The following NOL4 variants were observed in gnomAD, a reference collection of about 807,000 sequenced individuals.
NOL4 encodes the protein cancer/testis antigen 125.
In NOL4, 17 loss-of-function variants were observed where a neutral mutation model predicts 75.9. The observed-to-expected ratio is 0.22, with a 90% CI of 0.15 to 0.34. The LOEUF (loss-of-function observed/expected upper bound fraction) is 0.34. Among genes scored for constraint, NOL4 ranks in the 10% least tolerant of loss-of-function variants. The pLI is 1.00. For synonymous variants in NOL4, 292 were observed against 289.9 expected (o/e 1.01, Z -0.07); for missense variants, 614 against 793.5 (o/e 0.77, Z 2.72).
At chr18:34,192,592 C>T (rs1172284575) in intron 1 of NOL4, among the ~76,000 whole-genome samples, 4 of 152,102 alleles carry the variant, frequency 2.6e-5, no homozygotes, top group African/African-American at 9.7e-5. Flanking sequence ...ATAAAGGTGC[C>T]AAGAACTCAT....
At chr18:34,058,861 A>T (rs2076941722) in intron 5 of NOL4, among the ~76,000 whole-genome samples, 1 of 152,044 alleles carries the variant, frequency 6.6e-6, no homozygotes, top group Non-Finnish European at 1.5e-5. Context: ...TACAATTTCT[A>T]GTTTTTTCTC....
intron 5 of NOL4, among the ~76,000 whole-genome samples, chr18:34,070,344 G>C (rs2077461798): frequency 6.6e-6 from 1 of 152,168 alleles, no homozygotes. Flanking sequence ...ACACTATAAA[G>C]TTTCACCACA....
intron 5 of NOL4, among the ~76,000 whole-genome samples, chr18:34,055,397 AT>A (rs1236628764): frequency 1.3e-5 from 2 of 151,940 alleles, no homozygotes; most frequent in Admixed American, 1.3e-4. Flanking sequence ...GGTTGACAGC[AT>A]TTTTTTCTCT....
At chr18:33,955,445 G>A (rs2069574490) in intron 8 of NOL4, among the ~76,000 whole-genome samples, 2 of 151,936 alleles carry the variant, frequency 1.3e-5, no homozygotes, top group Non-Finnish European at 1.5e-5. Context: ...GCTTTCTGGT[G>A]CTTTCATAAT....
chr18:34,084,867 A>G (rs926607281), intron 5 of NOL4, among the ~76,000 whole-genome samples: 2 of 152,230 alleles, frequency 1.3e-5, no homozygotes, highest in Non-Finnish European at 2.9e-5. Flanking sequence ...CCAGCTTCAA[A>G]GCCCTACTAA....
At chr18:34,181,227 A>G (rs1258485585) in intron 1 of NOL4, among the ~76,000 whole-genome samples, 1 of 151,624 alleles carries the variant, frequency 6.6e-6, no homozygotes, top group Non-Finnish European at 1.5e-5. Context: ...ATAGACATGT[A>G]GATCAATGGA....
At chr18:33,911,075 A>G (rs973669920) in intron 9 of NOL4, among the ~76,000 whole-genome samples, 11 of 152,066 alleles carry the variant, frequency 7.2e-5, no homozygotes, top group African/African-American at 2.7e-4. Context: ...CATGATTTTT[A>G]GTGTTTGGGA....
chr18:33,925,212 C>CA lies in NOL4; in HGVS notation c.1542+17852dup, dbSNP rs546226928. On this transcript the variant is annotated intron_variant, in intron 9 of 10. Transcript: ENST00000261592. The stretch of plus-strand genomic sequence containing the variant: ...TCCTGACTTATTTTACAAATGTAGT[C>CA]AAAATGATACTTTGATAACTGAATA... Among the ~76,000 whole-genome samples, 153 of 152,148 alleles carry CA rather than the reference C, an allele frequency of 1.0e-3. 1 individual carries two copies. Among genetic ancestry groups the CA allele is most frequent in the African/African-American group, 3.5e-3 (146 of 41,516 alleles).
rs78451090 is a variant in NOL4 at position 34,211,359 on chromosome 18, G to A, written c.264+11631C>T. On this transcript the variant is annotated intron_variant, in intron 1 of 10. Transcript: ENST00000261592. ...ACAACAATGACCATGTAAACAGAGT[G>A]CTTAGAGAACAATGACCCACATCTG... 2.9e-3 allele frequency among the ~76,000 whole-genome samples: 435 copies of A among 152,218 alleles called. 2 individuals carry two copies. Among genetic ancestry groups the A allele is most frequent in the African/African-American group, 0.01 (416 of 41,534 alleles).
intron 9 of NOL4, among the ~76,000 whole-genome samples, chr18:33,900,041 A>C (rs2065655124): frequency 6.6e-6 from 1 of 152,134 alleles, no homozygotes; most frequent in African/African-American, 2.4e-5. Flanking sequence ...AAAACTCTTT[A>C]TTAGTCCATT....
chr18:33,863,679 C>A (rs1166039531), intron 10 of NOL4, among the ~76,000 whole-genome samples: 3 of 152,290 alleles, frequency 2.0e-5, no homozygotes, highest in South Asian at 2.1e-4. Flanking sequence ...CATTGAGTGA[C>A]TGAGGCTTTT....
At chr18:33,944,952 G>A (rs973729047) in intron 8 of NOL4, among the ~76,000 whole-genome samples, 8 of 151,868 alleles carry the variant, frequency 5.3e-5, no homozygotes, top group African/African-American at 1.9e-4. Flanking sequence ...AACTACATGG[G>A]AATTAGATAC....
At chr18:33,862,941 A>G (rs886996131) in intron 10 of NOL4, among the ~76,000 whole-genome samples, 2 of 152,226 alleles carry the variant, frequency 1.3e-5, no homozygotes, top group Admixed American at 1.3e-4. Context: ...AAAGGACGAT[A>G]AATCATGCTG....
chr18:34,011,018 T>C (rs980882443), intron 6 of NOL4, among the ~76,000 whole-genome samples: 61 of 151,860 alleles, frequency 4.0e-4, no homozygotes, highest in African/African-American at 1.4e-3. Flanking sequence ...ATCTAGTACC[T>C]TATAGCACAA....
At chr18:34,052,126 C>G (rs981077254) in intron 5 of NOL4, among the ~76,000 whole-genome samples, 2 of 151,888 alleles carry the variant, frequency 1.3e-5, no homozygotes, top group Non-Finnish European at 1.5e-5. Context: ...AATTTAATAT[C>G]TAATAAAACA....
intron 9 of NOL4, among the ~76,000 whole-genome samples, chr18:33,902,155 GTTT>G (rs770119369): frequency 6.7e-6 from 1 of 149,136 alleles, no homozygotes; most frequent in African/African-American, 2.5e-5. Flanking sequence ...GATTCAGTTA[GTTT>G]TTTTTTTAAA....
At chr18:34,190,061 T>C (rs1479717053) in intron 1 of NOL4, among the ~76,000 whole-genome samples, 1 of 141,124 alleles carries the variant, frequency 7.1e-6, no homozygotes, top group Non-Finnish European at 1.5e-5. Flanking sequence ...TTATTTTATA[T>C]CTACATATAC....
chr18:33,860,832 T>C (rs2063087801), intron 10 of NOL4, among the ~76,000 whole-genome samples: 1 of 152,218 alleles, frequency 6.6e-6, no homozygotes, highest in African/African-American at 2.4e-5. Flanking sequence ...TATTGAGAGT[T>C]TTTAGCATGA....
intron 8 of NOL4, 26 bp from the exon 9 acceptor site, chr18:33,943,204 A>G (rs1181437941): frequency 1.3e-6 from 2 of 1,524,888 alleles, no homozygotes; most frequent in East Asian, 2.3e-5. Context: ...GAAAAGTATG[A>G]AAAAAATTAT....
Sources: gnomAD v4.1 joint callset for allele counts (sites outside exome capture counted in the v4.1 genomes callset) on GRCh38, gnomAD v4.1.1 for gene constraint, MANE v1.5 for transcripts, NCBI Gene and HGNC (gene_info 2026-07-23, HGNC 2026-07-21) for gene names.